MED12L: variants seen among roughly 807,000 people sequenced by gnomAD.
MED12L encodes the protein mediator complex subunit 12L.
In MED12L, 60 loss-of-function variants were observed where a neutral mutation model predicts 281.3. The observed-to-expected ratio is 0.21, with a 90% CI of 0.17 to 0.26. The LOEUF is 0.26. Ranked by LOEUF, MED12L falls within the 10% of genes least tolerant of loss-of-function variation. The pLI is 1.00. For synonymous variants in MED12L, 974 were observed against 987.2 expected, an observed-to-expected ratio of 0.99 and a Z score of 0.25; for missense variants, 2,146 against 2,680.9, an observed-to-expected ratio of 0.80 and a Z score of 4.41.
In MED12L at chr3:151,360,742, A is replaced by C. The variant is rs144527839; in HGVS notation, c.2957+137A>C. On this transcript the variant is annotated intron_variant, in intron 21 of 44. Transcript: ENST00000687756. Reference sequence around the variant, plus strand: ...ATTAGGCAGTAATTTTGATATACTCATGATTTGTTTAAACTGAATATTAAA... The same window carrying C: ...ATTAGGCAGTAATTTTGATATACTCCTGATTTGTTTAAACTGAATATTAAA... 1.3e-3 allele frequency: 953 copies of C among 748,706 alleles called. 6 individuals carry two copies. In the African/African-American group the frequency reaches 0.014, roughly 11 times the overall value. The allele number at this position is 748,706 out of a possible 1,614,324, so 46.4% of individuals were successfully genotyped here.
rs1274678707 is a variant in MED12L, at chr3:151,188,365, A to T, written c.1638A>T (p.Glu546Asp). 6.2e-7 allele frequency: 1 copy of T among 1,604,218 alleles called. No individual in the cohort carries two copies. The highest frequency in any genetic ancestry group is 1.1e-5 in the South Asian group (1 of 90,824). ...TTTTTAATCTGTAGAGATGTGGTGAATCAGAAGTCTTAGATGAGAAGGAGT... is the reference window on the plus strand; with the variant it reads ...TTTTTAATCTGTAGAGATGTGGTGATTCAGAAGTCTTAGATGAGAAGGAGT... ...QAEIEAERCGESEVLDEKESI... is the reference protein window; with the variant it reads ...QAEIEAERCGDSEVLDEKESI... The change falls in exon 13 of 45, where the codon GAA becomes GAT. Residue 546 changes from glutamate (E) to aspartate (D), a missense_variant. Physicochemically the swap from Glu to Asp is conservative, Grantham distance 45. Transcript: ENST00000687756.
chr3:151,364,074 G>C (rs576417323), intron 21 of MED12L, among the ~76,000 whole-genome samples: 1 of 152,184 alleles, frequency 6.6e-6, no homozygotes, highest in African/African-American at 2.4e-5. Flanking sequence ...CTATAAAACA[G>C]ACTTTCTGAT....
intron 5 of MED12L, among the ~76,000 whole-genome samples, chr3:151,141,187 G>GTTTTTTTGTTTTTTTTTTTTTT (rs376743895): frequency 4.9e-4 from 49 of 99,102 alleles, no homozygotes; most frequent in African/African-American, 7.1e-4. Flanking sequence ...TGTTTTTTTT[G>GTTTTTTTGTTTTTTTTTTTTTT]TTTTTTTTTT....
chr3:151,329,526 C>A, intron 16 of MED12L: 3 of 1,546,842 alleles, frequency 1.9e-6, no homozygotes, highest in Non-Finnish European at 2.6e-6. Flanking sequence ...TGGCGGCAGT[C>A]ATTAGTTCAG....
intron 16 of MED12L, among the ~76,000 whole-genome samples, chr3:151,258,241 A>G (rs553233137): frequency 6.6e-6 from 1 of 152,316 alleles, no homozygotes; most frequent in African/African-American, 2.4e-5. Context: ...CTCGGGCATA[A>G]TCAAGTACTC....
At chr3:151,221,039 A>G (rs1729239947) in intron 16 of MED12L, among the ~76,000 whole-genome samples, 1 of 152,236 alleles carries the variant, frequency 6.6e-6, no homozygotes, top group South Asian at 2.1e-4. Context: ...AGGTGGTCTC[A>G]GATGGAAATG....
intron 16 of MED12L, among the ~76,000 whole-genome samples, chr3:151,206,466 G>A (rs895512720): frequency 6.6e-6 from 1 of 151,832 alleles, no homozygotes; most frequent in African/African-American, 2.4e-5. Flanking sequence ...CCTTTTGGTT[G>A]TGAGGTGTGA....
chr3:151,394,808 C>T lies in MED12L; in HGVS notation c.5761C>T (p.Leu1921=). ...SQQQLIQMKL[L]QQQQQQRLLR... is the part of the protein sequence containing the mutation. ...GCAGCAGTTGATACAGATGAAGCTT[C>T]TGCAGCAGCAGCAGCAACAGCGACT... The change falls in exon 39 of 45, where the codon CTG becomes TTG. Residue 1921 remains leucine, a synonymous_variant. Coordinates refer to ENST00000687756, the MANE Select transcript of MED12L (RefSeq NM_001393769.1). 6.2e-7 allele frequency: 1 copy of T among 1,614,198 alleles called. No individual in the cohort carries two copies. Among genetic ancestry groups the T allele is most frequent in the Non-Finnish European group, 8.5e-7 (1 of 1,180,010 alleles).
chr3:151,369,842 G>A (rs1245134617), intron 26 of MED12L, among the ~76,000 whole-genome samples: 2 of 151,986 alleles, frequency 1.3e-5, no homozygotes, highest in Non-Finnish European at 2.9e-5. Flanking sequence ...GGGTTGTTTT[G>A]CCTTCTCTGG....
rs1293289990 is a variant in MED12L at position 151,243,416 on chromosome 3, T to C, written c.2250+49750T>C. Among the ~76,000 whole-genome samples, 6 of 35,586 alleles carry C rather than the reference T, an allele frequency of 1.7e-4. No homozygotes were observed. In the East Asian group the frequency reaches 4.2e-3, roughly 25 times the overall value. 23.3% of individuals were successfully genotyped at this position (35,586 alleles called of 152,430 possible). On this transcript the variant is annotated intron_variant, in intron 16 of 44. Coordinates refer to ENST00000687756, the MANE Select transcript of MED12L (RefSeq NM_001393769.1). ...AAGCCCATCAGACTAACAGCGGATC[T>C]CTCGGCAGAAACCCTACAAGCCAGA...
At chr3:151,269,949 A>G in intron 16 of MED12L, 1 of 407,668 alleles carries the variant, frequency 2.5e-6, no homozygotes, top group South Asian at 1.9e-5. Context: ...ATCAAAGATA[A>G]TACTTGGACA....
intron 5 of MED12L, among the ~76,000 whole-genome samples, chr3:151,153,647 C>G (rs950123660): frequency 7.0e-6 from 1 of 142,802 alleles, no homozygotes; most frequent in African/African-American, 2.7e-5. Flanking sequence ...CGGCTCACTG[C>G]AACCTCTGCC....
chr3:151,398,944 T>C (rs980968799), intron 39 of MED12L, among the ~76,000 whole-genome samples: 1 of 152,224 alleles, frequency 6.6e-6, no homozygotes, highest in Non-Finnish European at 1.5e-5. Flanking sequence ...ATGTCGTCTT[T>C]TTCAAAATCC....
intron 2 of MED12L, among the ~76,000 whole-genome samples, chr3:151,094,312 T>C (rs919602617): frequency 3.3e-5 from 5 of 152,184 alleles, no homozygotes; most frequent in Admixed American, 6.5e-5. Context: ...ATTTGAGAAG[T>C]TGGAATGATC....
At chr3:151,258,412 A>C (rs529254530) in intron 16 of MED12L, among the ~76,000 whole-genome samples, 1 of 152,290 alleles carries the variant, frequency 6.6e-6, no homozygotes, top group South Asian at 2.1e-4. Flanking sequence ...TATTTTCTTG[A>C]AGAATAAAAT....
chr3:151,270,499 A>T (rs1344022654), intron 16 of MED12L, among the ~76,000 whole-genome samples: 1 of 152,136 alleles, frequency 6.6e-6, no homozygotes, highest in Non-Finnish European at 1.5e-5. Flanking sequence ...GCCCCTGTGT[A>T]TTAGTGCACA....
intron 39 of MED12L, among the ~76,000 whole-genome samples, chr3:151,399,326 A>C (rs148841924): frequency 6.6e-6 from 1 of 152,346 alleles, no homozygotes; most frequent in East Asian, 1.9e-4. Context: ...GTTATTTCAA[A>C]AGAAATTCAT....
chr3:151,366,864 TG>T (rs1472264409), intron 23 of MED12L, among the ~76,000 whole-genome samples: 1 of 152,200 alleles, frequency 6.6e-6, no homozygotes, highest in African/African-American at 2.4e-5. Context: ...ATCTCTTAGT[TG>T]TTTTTTTAAA....
intron 16 of MED12L, among the ~76,000 whole-genome samples, chr3:151,342,471 C>T (rs1751983435): frequency 6.6e-6 from 1 of 152,126 alleles, no homozygotes; most frequent in African/African-American, 2.4e-5. Context: ...TGGGAACTTG[C>T]TAGAAATGCA....
Sources: gnomAD v4.1 joint callset for allele counts (sites outside exome capture counted in the v4.1 genomes callset) on GRCh38, gnomAD v4.1.1 for gene constraint, MANE v1.5 for transcripts, NCBI Gene and HGNC (gene_info 2026-07-23, HGNC 2026-07-21) for gene names.